The following SMC5 variants were observed in gnomAD, a reference collection of about 807,000 sequenced individuals.
SMC5 encodes the protein structural maintenance of chromosomes protein 5.
A neutral mutation model predicts 148.3 loss-of-function variants in SMC5; 88 were observed. The ratio of observed to expected loss-of-function variants is 0.59; its 90% confidence interval spans 0.50 to 0.71. The LOEUF (loss-of-function observed/expected upper bound fraction) is 0.71, where lower values mean the gene tolerates loss of function less well. Among genes scored for constraint, SMC5 ranks in the 30% least tolerant of loss-of-function variants. SMC5 has a pLI of 0.00. For missense variants in SMC5, 1,142 were observed against 1,298.9 expected (o/e 0.88, Z 1.86); for synonymous variants, 421 against 432.8 (o/e 0.97, Z 0.34).
chr9:70,334,765 C>A (rs952508774), intron 17 of SMC5, among the ~76,000 whole-genome samples: 2 of 151,998 alleles, frequency 1.3e-5, no homozygotes, highest in Non-Finnish European at 2.9e-5. Flanking sequence ...CAAAGAAAAC[C>A]AACAACCCAG....
At chr9:70,339,484 G>A (rs2036459885) in intron 17 of SMC5, among the ~76,000 whole-genome samples, 1 of 151,692 alleles carries the variant, frequency 6.6e-6, no homozygotes, top group South Asian at 2.1e-4. Context: ...TAGAATAGGT[G>A]TATGATAGTT....
Position 70,280,994 on chromosome 9 carries a change from C to G in SMC5, c.819+95C>G, listed in dbSNP as rs2118168669. ...AGTTACTGTGTATTCAAGTTAGGTG[C>G]TTCTTTTTCATTTTTGGCTTTATAT... On this transcript the variant is annotated intron_variant, in intron 6 of 24. Transcript: ENST00000361138. 4.3e-6 allele frequency: 6 copies of G among 1,384,478 alleles called. No homozygotes were observed. In the African/African-American group the frequency reaches 4.4e-5, roughly 10 times the overall value. The allele number at this position is 1,384,478 out of a possible 1,614,324, so 85.8% of individuals were successfully genotyped here.
rs569507827 is a variant in SMC5, at chr9:70,259,002, G to A, written c.-77G>A. On this transcript the variant is annotated 5_prime_UTR_variant, in exon 1 of 25. Transcript: ENST00000361138. ...CAGTTCGCGCGGGAGCGGGGCGCCT[G>A]GGTGGATGGGCGCTTGGGCGCCTGG... 8 of 1,465,592 alleles carry A rather than the reference G, an allele frequency of 5.5e-6. No individual in the cohort carries two copies. Among genetic ancestry groups the A allele is most frequent in the Admixed American group, 2.6e-5 (1 of 38,514 alleles). The allele number at this position is 1,465,592 out of a possible 1,614,324, so 90.8% of individuals were successfully genotyped here. A position where few individuals can be genotyped will look rare whatever the true frequency, so the allele number is the denominator to read the frequency against.
intron 5 of SMC5, among the ~76,000 whole-genome samples, chr9:70,279,992 A>G (rs2034707218): frequency 6.6e-6 from 1 of 152,170 alleles, no homozygotes; most frequent in Non-Finnish European, 1.5e-5. Context: ...TATATACTTA[A>G]TAATATGTAT....
At chr9:70,334,031 C>T (rs1766663889) in intron 17 of SMC5, among the ~76,000 whole-genome samples, 1 of 151,654 alleles carries the variant, frequency 6.6e-6, no homozygotes, top group Admixed American at 6.6e-5. Flanking sequence ...GACATTACAA[C>T]AATCAAGACA....
chr9:70,325,006 TTTC>T (rs1158942097), intron 17 of SMC5, among the ~76,000 whole-genome samples: 1 of 152,058 alleles, frequency 6.6e-6, no homozygotes, highest in Non-Finnish European at 1.5e-5. Context: ...AGTACTCGGG[TTTC>T]TTATTGGGGT....
At chr9:70,294,854 A>T (rs1357855379) in intron 8 of SMC5, among the ~76,000 whole-genome samples, 1 of 152,152 alleles carries the variant, frequency 6.6e-6, no homozygotes, top group African/African-American at 2.4e-5. Flanking sequence ...TCACATGATG[A>T]CAGATATAAT....
chr9:70,282,034 ATTT>A (rs1439441206), intron 6 of SMC5, among the ~76,000 whole-genome samples: 11 of 122,176 alleles, frequency 9.0e-5, no homozygotes, highest in Non-Finnish European at 1.8e-4. Flanking sequence ...ACCCATTTTC[ATTT>A]TGTTTTTTTT....
intron 3 of SMC5, among the ~76,000 whole-genome samples, chr9:70,270,461 G>A (rs1209025192): frequency 6.6e-6 from 1 of 151,978 alleles, no homozygotes; most frequent in Non-Finnish European, 1.5e-5. Flanking sequence ...CCAGAGGATG[G>A]GGAGTAGGTT....
intron 13 of SMC5, 38 bp downstream of exon 13, chr9:70,315,616 A>G (rs750667420): frequency 2.8e-6 from 4 of 1,431,066 alleles, no homozygotes; most frequent in Admixed American, 2.3e-5. Context: ...ATCATGTACC[A>G]AAAATGTAGT....
At position 70,259,140 on chromosome 9, in the gene SMC5, C is replaced by G; in HGVS notation, c.62C>G (p.Pro21Arg). Residue 21 changes from proline to arginine, a missense_variant, in exon 1 of 25, where the codon CCG (proline) becomes CGG (arginine). Pro to Arg is a moderately radical substitution (Grantham distance 103). Around this residue, in one of 5 missense-constraint regions of SMC5, gnomAD observed 297 missense variants for 302.6 expected, o/e 0.98. Transcript: ENST00000361138. ...CCCCAGCCTTCCAAGAGAGCTCTCC[C>G]GAGAGACCCTTCGTCGGAGGTCCCG... ...PSPQPSKRALPRDPSSEVPSK... is the reference protein window; with the variant it reads ...PSPQPSKRALRRDPSSEVPSK... 6.2e-7 allele frequency: 1 copy of G among 1,612,890 alleles called. No individual in the cohort carries two copies. The highest frequency in any genetic ancestry group is 2.2e-5 in the East Asian group (1 of 44,842).
intron 1 of SMC5, among the ~76,000 whole-genome samples, chr9:70,262,162 G>C (rs1379504178): frequency 4.6e-5 from 7 of 152,302 alleles, no homozygotes; most frequent in Middle Eastern, 3.4e-3. Flanking sequence ...AGAGTAGTGA[G>C]TGAACCAAGT....
chr9:70,329,760 A>T (rs984686022), intron 17 of SMC5, among the ~76,000 whole-genome samples: 3 of 152,252 alleles, frequency 2.0e-5, no homozygotes, highest in Admixed American at 2.0e-4. Flanking sequence ...CTCTTGTATC[A>T]ATTTTCTGTA....
intron 11 of SMC5, among the ~76,000 whole-genome samples, chr9:70,308,028 A>G (rs1389986088): frequency 6.6e-6 from 1 of 152,264 alleles, no homozygotes; most frequent in Admixed American, 6.5e-5. Context: ...AGCTCTGGAT[A>G]CTAGGTGTGT....
intron 17 of SMC5, among the ~76,000 whole-genome samples, chr9:70,334,649 A>G (rs1564066801): frequency 6.6e-6 from 1 of 151,990 alleles, no homozygotes. Flanking sequence ...GTGTGTGTAT[A>G]ATGTGACAGA....
chr9:70,324,267 A>G, intron 17 of SMC5, 124 bp downstream of exon 17: 2 of 957,080 alleles, frequency 2.1e-6, no homozygotes, highest in East Asian at 2.8e-5. Flanking sequence ...TACAAATTTA[A>G]TGCATCATGT....
chr9:70,278,889 A>G (rs891481639), intron 5 of SMC5, among the ~76,000 whole-genome samples: 1 of 152,176 alleles, frequency 6.6e-6, no homozygotes, highest in African/African-American at 2.4e-5. Flanking sequence ...ATAAAAAAAA[A>G]TTATCTCAGG....
intron 11 of SMC5, among the ~76,000 whole-genome samples, chr9:70,305,851 A>G (rs2118477135): frequency 6.6e-6 from 1 of 152,318 alleles, no homozygotes; most frequent in Non-Finnish European, 1.5e-5. Flanking sequence ...CTTAGTAGTT[A>G]AGAATGTATA....
At chr9:70,315,726 T>G (rs1270948679) in intron 13 of SMC5, 148 bp downstream of exon 13, 1 of 580,260 alleles carries the variant, frequency 1.7e-6, no homozygotes, top group Non-Finnish European at 2.7e-6. Context: ...ATTAATTATT[T>G]TCCATATGAC....
Sources: gnomAD v4.1 joint callset for allele counts (sites outside exome capture counted in the v4.1 genomes callset) on GRCh38, gnomAD v4.1.1 for gene constraint, gnomAD v4.1.1 regional missense constraint, MANE v1.5 for transcripts, NCBI Gene and HGNC (gene_info 2026-07-23, HGNC 2026-07-21) for gene names.